The following LRRC4C variants were observed in gnomAD, a reference collection of about 807,000 sequenced individuals.
The protein encoded by LRRC4C is leucine rich repeat containing 4C.
Under a neutral mutation model 33.6 loss-of-function variants are expected in LRRC4C, and 5 were observed. The ratio of observed to expected loss-of-function variants is 0.15; its 90% CI spans 0.08 to 0.31. LRRC4C has a LOEUF of 0.31. Among genes scored for constraint, LRRC4C ranks in the 10% least tolerant of loss-of-function variants. The probability of loss-of-function intolerance (pLI) is 1.00; values close to 1 mark genes in which losing one functional copy is unlikely to be tolerated. For synonymous variants in LRRC4C, 329 were observed against 302.0 expected (o/e 1.09, Z -0.93); for missense variants, 560 against 796.7 (o/e 0.70, Z 3.58).
intron 2 of LRRC4C, among the ~76,000 whole-genome samples, chr11:40,697,818 C>T (rs912788276): frequency 6.6e-6 from 1 of 151,970 alleles, no homozygotes; most frequent in Non-Finnish European, 1.5e-5. Context: ...ACCTGTAATC[C>T]CAGCACTTCG....
chr11:41,389,638 G>C (rs866151514), intron 1 of LRRC4C, among the ~76,000 whole-genome samples: 1 of 2,274 alleles, frequency 4.4e-4, no homozygotes, highest in Non-Finnish European at 1.1e-3. Context: ...ACAGTGAGCA[G>C]CAAAAAAAAA....
chr11:40,171,421 C>A (rs1743479192), intron 5 of LRRC4C, among the ~76,000 whole-genome samples: 1 of 152,100 alleles, frequency 6.6e-6, no homozygotes, highest in Non-Finnish European at 1.5e-5. Context: ...CATCTAGAAA[C>A]CCCTGTAGAT....
At chr11:40,324,294 A>G (rs149957276) in intron 3 of LRRC4C, among the ~76,000 whole-genome samples, 1 of 152,372 alleles carries the variant, frequency 6.6e-6, no homozygotes, top group East Asian at 1.9e-4. Context: ...TGCAGAGAAT[A>G]GAAGAAAGGT....
At chr11:40,850,414 G>A (rs974219106) in intron 2 of LRRC4C, among the ~76,000 whole-genome samples, 8 of 152,148 alleles carry the variant, frequency 5.3e-5, no homozygotes, top group Non-Finnish European at 1.2e-4. Context: ...GTCTGCTGGA[G>A]TTTGCTGGGG....
At chr11:40,919,060 G>A (rs888762637) in intron 2 of LRRC4C, among the ~76,000 whole-genome samples, 1 of 152,102 alleles carries the variant, frequency 6.6e-6, no homozygotes, top group Admixed American at 6.6e-5. Flanking sequence ...CTGAATCCTA[G>A]TATTCTAACT....
rs148098188 is a variant in LRRC4C at position 40,237,506 on chromosome 11, G to A, written c.-96+4013C>T. On this transcript the variant is annotated intron_variant, in intron 5 of 6. Transcript: ENST00000528697. ...AATGACAACCCTAAGACAAGGTCGCGGTATGGATTAAGTAGCATTGTGTAT... is the reference window on the plus strand; with the variant it reads ...AATGACAACCCTAAGACAAGGTCGCAGTATGGATTAAGTAGCATTGTGTAT... 4.0e-3 allele frequency among the ~76,000 whole-genome samples: 611 copies of A among 152,212 alleles called. 4 individuals are homozygous for A. Among genetic ancestry groups the A allele is most frequent in the Admixed American group, 0.01 (153 of 15,276 alleles).
At chr11:40,133,700 T>G (rs891720754) in intron 6 of LRRC4C, among the ~76,000 whole-genome samples, 3 of 152,260 alleles carry the variant, frequency 2.0e-5, no homozygotes, top group African/African-American at 7.2e-5. Context: ...AGGGAGTGTG[T>G]ATGATTGCGT....
At chr11:41,188,529 T>A (rs7935045) in intron 1 of LRRC4C, among the ~76,000 whole-genome samples, 28,976 of 151,712 alleles carry the variant, frequency 0.19, 3,323 homozygotes, top group African/African-American at 0.32. Flanking sequence ...ATGTACAAAT[T>A]TTCTTATCCT....
intron 3 of LRRC4C, among the ~76,000 whole-genome samples, chr11:40,373,751 C>A (rs947555610): frequency 6.6e-6 from 1 of 152,114 alleles, no homozygotes; most frequent in Non-Finnish European, 1.5e-5. Flanking sequence ...CTCAAAGGAG[C>A]TTGGCTCCTA....
intron 3 of LRRC4C, among the ~76,000 whole-genome samples, chr11:40,392,742 A>G (rs1949385389): frequency 6.6e-6 from 1 of 152,204 alleles, no homozygotes; most frequent in African/African-American, 2.4e-5. Flanking sequence ...AGAAGAAGAC[A>G]ACCAAAGTGA....
chr11:40,241,519 C>T lies in LRRC4C; in HGVS notation c.-96G>A, dbSNP rs1424997727. 2 of 152,104 alleles carry T rather than the reference C, an allele frequency of 1.3e-5. No individual in the cohort carries two copies. The highest frequency in any genetic ancestry group is 2.9e-5 in the Non-Finnish European group (2 of 68,034). 9.4% of individuals were successfully genotyped at this position (152,104 alleles called of 1,614,324 possible). The stretch of plus-strand genomic sequence containing the variant: ...AAAGCCCAGAAGCCACACAACTTAC[C>T]AGAAGTTCCACTGTTGTCTGTCACT... On this transcript the variant is annotated splice_region_variant and 5_prime_UTR_variant, in exon 5 of 7. Coordinates refer to ENST00000528697, the MANE Select transcript of LRRC4C (RefSeq NM_001258419.2).
intron 3 of LRRC4C, among the ~76,000 whole-genome samples, chr11:40,345,239 A>G (rs1437051219): frequency 6.6e-6 from 1 of 152,210 alleles, no homozygotes; most frequent in Non-Finnish European, 1.5e-5. Context: ...CCAAATAGCC[A>G]AGACAATCCT....
At chr11:40,308,283 C>T (rs1171078021) in intron 4 of LRRC4C, among the ~76,000 whole-genome samples, 3 of 152,116 alleles carry the variant, frequency 2.0e-5, no homozygotes, top group African/African-American at 7.2e-5. Context: ...TATGCATGGC[C>T]GCTGATGCAG....
At chr11:41,093,416 C>T (rs1940571488) in intron 1 of LRRC4C, among the ~76,000 whole-genome samples, 1 of 152,218 alleles carries the variant, frequency 6.6e-6, no homozygotes, top group Non-Finnish European at 1.5e-5. Flanking sequence ...TTTATGGTGG[C>T]AGCACACAAA....
At chr11:41,112,448 C>A (rs1941889323) in intron 1 of LRRC4C, among the ~76,000 whole-genome samples, 2 of 152,036 alleles carry the variant, frequency 1.3e-5, no homozygotes, top group African/African-American at 4.8e-5. Flanking sequence ...GGGTTGTTTG[C>A]AGGAAGGTTA....
intron 1 of LRRC4C, among the ~76,000 whole-genome samples, chr11:41,094,392 C>T (rs551616635): frequency 6.6e-6 from 1 of 151,818 alleles, no homozygotes; most frequent in South Asian, 2.1e-4. Flanking sequence ...GGCCTGGTGG[C>T]GTGTGCCTGT....
chr11:41,283,776 A>G (rs1307711337), intron 1 of LRRC4C, among the ~76,000 whole-genome samples: 1 of 152,204 alleles, frequency 6.6e-6, no homozygotes, highest in East Asian at 1.9e-4. Flanking sequence ...AAGAGCAGAA[A>G]GTATACATTC....
At chr11:40,119,674 T>C (rs954484493) in intron 6 of LRRC4C, among the ~76,000 whole-genome samples, 6 of 152,338 alleles carry the variant, frequency 3.9e-5, no homozygotes, top group Middle Eastern at 6.8e-3. Flanking sequence ...TCATGCCTTT[T>C]TATTTTTTGT....
chr11:40,903,935 C>T (rs954423594), intron 2 of LRRC4C, among the ~76,000 whole-genome samples: 1 of 151,616 alleles, frequency 6.6e-6, no homozygotes, highest in African/African-American at 2.4e-5. Context: ...AATGTACTCA[C>T]CAAATTTTAA....
Sources: gnomAD v4.1 joint callset for allele counts (sites outside exome capture counted in the v4.1 genomes callset) on GRCh38, gnomAD v4.1.1 for gene constraint, MANE v1.5 for transcripts, NCBI Gene and HGNC (gene_info 2026-07-23, HGNC 2026-07-21) for gene names.